IGF2BP3: variants seen among roughly 807,000 people sequenced by gnomAD.
IGF2BP3 encodes insulin like growth factor 2 mRNA binding protein 3.
Under a neutral mutation model 73.8 loss-of-function variants are expected in IGF2BP3, and 9 were observed. The observed-to-expected ratio is 0.12, with a 90% CI of 0.07 to 0.21. IGF2BP3 has a LOEUF of 0.21. IGF2BP3 is among the 10% of genes least tolerant of loss of function. The pLI, the probability that IGF2BP3 is intolerant of heterozygous loss-of-function variation, is 1.00. For synonymous variants in IGF2BP3, 258 were observed against 256.7 expected, an observed-to-expected ratio of 1.01 and a Z score of -0.05; for missense variants, 542 against 714.0, an observed-to-expected ratio of 0.76 and a Z score of 2.75.
In IGF2BP3 at chr7:23,356,860, C is replaced by T. The variant is rs191282895; in HGVS notation, c.401+4674G>A. On this transcript the variant is annotated intron_variant, in intron 5 of 14. Coordinates refer to ENST00000258729, the MANE Select transcript of IGF2BP3 (RefSeq NM_006547.3). ...GTTCTAAAAACAAAACAAAACAAAA[C>T]GGTATGGGCAAATACCCTAGATGAC... Among the ~76,000 whole-genome samples the T allele has an allele frequency of 2.3e-3, 346 of 152,184 alleles. 3 individuals carry two copies. Among genetic ancestry groups the T allele is most frequent in the Middle Eastern group, 0.014 (4 of 294 alleles).
chr7:23,343,587 C>G (rs1313613895), intron 9 of IGF2BP3, 131 bp downstream of exon 9: 3 of 823,082 alleles, frequency 3.6e-6, no homozygotes, highest in Non-Finnish European at 5.9e-6. Flanking sequence ...AGGGTACTTG[C>G]TGAGGTGCTA....
intron 2 of IGF2BP3, among the ~76,000 whole-genome samples, chr7:23,434,643 T>C (rs1400039972): frequency 3.3e-5 from 5 of 152,352 alleles, no homozygotes; most frequent in Admixed American, 1.3e-4. Flanking sequence ...CTCAACTCTT[T>C]CTTTTCTCCC....
chr7:23,312,011 T>C lies in IGF2BP3; in HGVS notation c.*351A>G. 1 of 199,004 alleles carries C rather than the reference T, an allele frequency of 5.0e-6. No homozygotes were observed. Among genetic ancestry groups the C allele is most frequent in the Non-Finnish European group, 1.0e-5 (1 of 98,854 alleles). The allele number at this position is 199,004 out of a possible 1,614,324, so 12.3% of individuals were successfully genotyped here. A position where few individuals can be genotyped will look rare whatever the true frequency, so the allele number is the denominator to read the frequency against. ...TTTGATGAATTTAGTGAAAGCATCA[T>C]TAAGCCAATTTCTGGCATTATGGGG... On this transcript the variant is annotated 3_prime_UTR_variant, in exon 15 of 15. Transcript: ENST00000258729.
intron 2 of IGF2BP3, among the ~76,000 whole-genome samples, chr7:23,432,674 C>G (rs553478025): frequency 6.7e-6 from 1 of 149,364 alleles, no homozygotes; most frequent in Non-Finnish European, 1.5e-5. Flanking sequence ...GGGTCTTGCT[C>G]TGTTGCTCAG....
At chr7:23,388,607 C>CTTTTTTTTTT (rs35723715) in intron 3 of IGF2BP3, among the ~76,000 whole-genome samples, 1 of 124,020 alleles carries the variant, frequency 8.1e-6, no homozygotes. Context: ...TCTTCTCCAT[C>CTTTTTTTTTT]TTTTTTTTTT....
At chr7:23,363,177 T>G (rs1385793941) in intron 3 of IGF2BP3, among the ~76,000 whole-genome samples, 1 of 152,246 alleles carries the variant, frequency 6.6e-6, no homozygotes, top group Non-Finnish European at 1.5e-5. Flanking sequence ...AAGGTTTATC[T>G]TATGTGGTAT....
At chr7:23,368,026 CAA>C (rs1392958148) in intron 3 of IGF2BP3, among the ~76,000 whole-genome samples, 1 of 151,328 alleles carries the variant, frequency 6.6e-6, no homozygotes, top group East Asian at 1.9e-4. Context: ...AACAAAAAAA[CAA>C]AGTTCATTCA....
At chr7:23,401,221 C>T (rs1786651856) in intron 3 of IGF2BP3, among the ~76,000 whole-genome samples, 1 of 152,126 alleles carries the variant, frequency 6.6e-6, no homozygotes, top group Non-Finnish European at 1.5e-5. Flanking sequence ...GTCACTGTGG[C>T]CGAGTAGTAG....
chr7:23,430,718 T>C (rs1787653206), intron 2 of IGF2BP3, among the ~76,000 whole-genome samples: 1 of 152,250 alleles, frequency 6.6e-6, no homozygotes, highest in Admixed American at 6.5e-5. Flanking sequence ...ATGATCAGTC[T>C]TACATTCCTG....
intron 3 of IGF2BP3, among the ~76,000 whole-genome samples, chr7:23,382,224 C>A (rs1226729514): frequency 2.0e-5 from 3 of 151,978 alleles, no homozygotes; most frequent in Non-Finnish European, 4.4e-5. Flanking sequence ...CCTGCCTGGG[C>A]AACAGAGATG....
chr7:23,354,811 A>G lies in IGF2BP3; in HGVS notation c.402-3225T>C, dbSNP rs1207812905. Among the ~76,000 whole-genome samples the G allele has an allele frequency of 3.3e-5, 5 of 152,214 alleles. No individual in the cohort carries two copies. The East Asian group carries it at 9.6e-4, about 29-fold the overall frequency. On this transcript the variant is annotated intron_variant, in intron 5 of 14. Coordinates refer to ENST00000258729, the MANE Select transcript of IGF2BP3 (RefSeq NM_006547.3). Reference sequence around the variant, plus strand: ...ACTCAGGCTGTTCCAGGCAGAATGCAGACAGCCACTACTGTGTGTACCTGA... The same window carrying G: ...ACTCAGGCTGTTCCAGGCAGAATGCGGACAGCCACTACTGTGTGTACCTGA...
intron 3 of IGF2BP3, chr7:23,416,047 C>T (rs766685173): frequency 2.0e-5 from 3 of 152,108 alleles, no homozygotes; most frequent in Non-Finnish European, 4.4e-5. Flanking sequence ...CTATTTAATG[C>T]TCAAAGCAAC....
chr7:23,465,389 T>C (rs1788542594), intron 2 of IGF2BP3, among the ~76,000 whole-genome samples: 1 of 152,266 alleles, frequency 6.6e-6, no homozygotes, highest in African/African-American at 2.4e-5. Flanking sequence ...GTAAAGTAAC[T>C]GCTATAATCT....
intron 2 of IGF2BP3, among the ~76,000 whole-genome samples, chr7:23,441,900 G>A (rs1409432070): frequency 6.6e-6 from 1 of 152,110 alleles, no homozygotes; most frequent in South Asian, 2.1e-4. Context: ...AGAGGCGGGC[G>A]GATCACCTGA....
At chr7:23,370,013 T>C (rs1785497875) in intron 3 of IGF2BP3, among the ~76,000 whole-genome samples, 1 of 152,206 alleles carries the variant, frequency 6.6e-6, no homozygotes, top group Admixed American at 6.5e-5. Flanking sequence ...GTTACTACCC[T>C]TCTGTGGTTT....
At chr7:23,402,745 T>A (rs562995276) in intron 3 of IGF2BP3, 1 of 152,336 alleles carries the variant, frequency 6.6e-6, no homozygotes, top group East Asian at 1.9e-4. Context: ...TTGGCTGACT[T>A]TAAAATTTCA....
chr7:23,371,192 A>G (rs1166854654), intron 3 of IGF2BP3, among the ~76,000 whole-genome samples: 1 of 151,962 alleles, frequency 6.6e-6, no homozygotes, highest in Non-Finnish European at 1.5e-5. Context: ...TCCAAGCACC[A>G]AAGCCAATGT....
At chr7:23,368,197 T>C (rs190555076) in intron 3 of IGF2BP3, among the ~76,000 whole-genome samples, 1 of 152,012 alleles carries the variant, frequency 6.6e-6, no homozygotes, top group Admixed American at 6.6e-5. Flanking sequence ...TGTGGTATAT[T>C]TGTACAATGG....
In IGF2BP3 at chr7:23,470,448, C is replaced by T. The variant is rs989141398; in HGVS notation, c.-338G>A. The stretch of plus-strand genomic sequence containing the variant: ...AAACTACTTTTTGTCTCTTCCTTCC[C>T]AACCCCTTTGGCTTCGGCCAGCGGA... On this transcript the variant is annotated 5_prime_UTR_variant, in exon 1 of 15. Transcript: ENST00000258729. 6 of 160,482 alleles carry T rather than the reference C, an allele frequency of 3.7e-5. No homozygotes were observed. Among genetic ancestry groups the T allele is most frequent in the African/African-American group, 1.4e-4 (6 of 41,704 alleles). The allele number at this position is 160,482 out of a possible 1,614,324, so 9.9% of individuals were successfully genotyped here.
Sources: allele counts gnomAD v4.1 joint callset (sites outside exome capture counted in the v4.1 genomes callset), GRCh38; gene constraint gnomAD v4.1.1; transcripts MANE v1.5; gene names NCBI Gene and HGNC (gene_info 2026-07-23, HGNC 2026-07-21).